MIPEP: variants seen among roughly 807,000 people sequenced by gnomAD.
The protein encoded by MIPEP is mitochondrial intermediate peptidase.
In MIPEP, 79 loss-of-function variants were observed where a neutral mutation model predicts 90.3. The ratio of observed to expected loss-of-function variants is 0.87; its 90% CI spans 0.73 to 1.05. MIPEP has a LOEUF of 1.05. Ranked by LOEUF, MIPEP falls within the 50% of genes least tolerant of loss-of-function variation. The pLI is 0.00. For synonymous variants in MIPEP, 334 were observed against 315.8 expected (o/e 1.06, Z -0.61); for missense variants, 940 against 905.6 (o/e 1.04, Z -0.49).
intron 18 of MIPEP, among the ~76,000 whole-genome samples, chr13:23,746,015 CT>C (rs34752143): frequency 3.4e-4 from 46 of 134,968 alleles, no homozygotes; most frequent in African/African-American, 4.4e-4. Flanking sequence ...ACTCAGCACA[CT>C]TTTTTTTTTT....
intron 16 of MIPEP, among the ~76,000 whole-genome samples, chr13:23,793,732 AG>A (rs1952925307): frequency 6.6e-6 from 1 of 151,868 alleles, no homozygotes; most frequent in Non-Finnish European, 1.5e-5. Context: ...GAAGGACCCC[AG>A]CCCTGGGAGA....
At chr13:23,784,445 C>G (rs1181229529) in intron 16 of MIPEP, among the ~76,000 whole-genome samples, 1 of 152,184 alleles carries the variant, frequency 6.6e-6, no homozygotes, top group East Asian at 1.9e-4. Flanking sequence ...ATGTAGAAAG[C>G]TGAAACTGGA....
chr13:23,847,422 G>A (rs1869593394), intron 10 of MIPEP, among the ~76,000 whole-genome samples: 1 of 148,056 alleles, frequency 6.8e-6, no homozygotes, highest in Non-Finnish European at 1.5e-5. Flanking sequence ...GACATGGTAA[G>A]CGCCGTCAAA....
chr13:23,747,530 A>G (rs1181087756), intron 18 of MIPEP: 1 of 511,446 alleles, frequency 2.0e-6, no homozygotes. Context: ...CGTGACAGGA[A>G]GGAGGAAGGG....
chr13:23,734,780 C>T (rs911394797), intron 18 of MIPEP, among the ~76,000 whole-genome samples: 1 of 152,208 alleles, frequency 6.6e-6, no homozygotes, highest in African/African-American at 2.4e-5. Flanking sequence ...GCCCAAACCT[C>T]TAACAGCAGT....
intron 14 of MIPEP, among the ~76,000 whole-genome samples, chr13:23,830,381 A>C (rs1868682939): frequency 6.6e-6 from 1 of 152,202 alleles, no homozygotes; most frequent in South Asian, 2.1e-4. Flanking sequence ...CTTAGGAATA[A>C]ATAATGTGGC....
At chr13:23,829,746 C>A (rs1466033427) in intron 14 of MIPEP, among the ~76,000 whole-genome samples, 1 of 151,988 alleles carries the variant, frequency 6.6e-6, no homozygotes, top group Non-Finnish European at 1.5e-5. Flanking sequence ...GTTTGAGGGG[C>A]CAGCCTGGGC....
At chr13:23,764,314 C>T (rs574874445) in intron 16 of MIPEP, among the ~76,000 whole-genome samples, 12 of 152,288 alleles carry the variant, frequency 7.9e-5, no homozygotes, top group African/African-American at 2.9e-4. Flanking sequence ...TCAGGAAACC[C>T]ATGGATATGG....
intron 16 of MIPEP, among the ~76,000 whole-genome samples, chr13:23,785,186 A>C (rs1244377189): frequency 2.0e-5 from 3 of 152,206 alleles, no homozygotes; most frequent in African/African-American, 7.2e-5. Flanking sequence ...AGGCACTTGC[A>C]CATGTATGTT....
intron 9 of MIPEP, among the ~76,000 whole-genome samples, chr13:23,861,183 ATGAGGAGAT>A (rs1384383862): frequency 6.6e-6 from 1 of 152,186 alleles, no homozygotes; most frequent in African/African-American, 2.4e-5. Flanking sequence ...CAGGGACTTC[ATGAGGAGAT>A]TGGGCATTTC....
intron 10 of MIPEP, among the ~76,000 whole-genome samples, chr13:23,853,756 C>G (rs1016385931): frequency 6.6e-6 from 1 of 151,856 alleles, no homozygotes; most frequent in African/African-American, 2.4e-5. Context: ...TTAGTAGAGA[C>G]AGGGTTTCAC....
Position 23,747,436 on chromosome 13 carries a change from CCTG to C in MIPEP, c.2044+9106_2044+9108del, listed in dbSNP as rs544948688. The C allele has an allele frequency of 4.7e-3, 2,003 of 430,214 alleles. 10 individuals carry two copies. The highest frequency in any genetic ancestry group is 6.2e-3 in the Non-Finnish European group (1,332 of 215,550). 26.6% of individuals were successfully genotyped at this position (430,214 alleles called of 1,614,324 possible). A position where few individuals can be genotyped will look rare whatever the true frequency, so the allele number is the denominator to read the frequency against. On this transcript the variant is annotated intron_variant, in intron 18 of 18. Transcript: ENST00000382172. ...CTAGTGGTGTCCCCTACTTATTATG[CCTG>C]CTATCTAGCTGCTTAACAGTCAGTA...
chr13:23,874,939 C>T (rs1381027101), intron 4 of MIPEP, 30 bp from the exon 5 acceptor site: 1 of 1,553,582 alleles, frequency 6.4e-7, no homozygotes, highest in Non-Finnish European at 8.6e-7. Context: ...CAGGTTATAA[C>T]AGGTAATAAA....
In MIPEP at chr13:23,836,117, T is replaced by C. The variant is rs182747970; in HGVS notation, c.1653+123A>G. 392 of 560,594 alleles carry C rather than the reference T, an allele frequency of 7.0e-4. 2 individuals carry two copies. The highest frequency in any genetic ancestry group is 1.6e-4 in the Non-Finnish European group (51 of 321,964). 34.7% of individuals were successfully genotyped at this position (560,594 alleles called of 1,614,324 possible). A position where few individuals can be genotyped will look rare whatever the true frequency, so the allele number is the denominator to read the frequency against. ...AGGGAATCAGGAAAAAAAGAAGCAA[T>C]AAAAGGTTTGTTACTAACAGAGGGT... On this transcript the variant is annotated intron_variant, in intron 14 of 18. Coordinates refer to ENST00000382172, the MANE Select transcript of MIPEP (RefSeq NM_005932.4).
At chr13:23,845,001 A>C (rs996200426) in intron 10 of MIPEP, among the ~76,000 whole-genome samples, 2 of 152,154 alleles carry the variant, frequency 1.3e-5, no homozygotes, top group Admixed American at 6.5e-5. Flanking sequence ...GCCCACCCCC[A>C]GAGGTAAATA....
intron 16 of MIPEP, among the ~76,000 whole-genome samples, chr13:23,774,513 A>G (rs1952690342): frequency 6.6e-6 from 1 of 152,232 alleles, no homozygotes; most frequent in African/African-American, 2.4e-5. Context: ...GCCATCTTTA[A>G]CAATAGTAAG....
At chr13:23,798,066 T>C (rs1195417662) in intron 16 of MIPEP, among the ~76,000 whole-genome samples, 2 of 152,248 alleles carry the variant, frequency 1.3e-5, no homozygotes, top group African/African-American at 4.8e-5. Context: ...TGGTAGCACG[T>C]AGTAGGCACT....
At chr13:23,793,906 A>G (rs918599093) in intron 16 of MIPEP, among the ~76,000 whole-genome samples, 1 of 152,116 alleles carries the variant, frequency 6.6e-6, no homozygotes, top group Admixed American at 6.5e-5. Flanking sequence ...CAGACCACGC[A>G]GGAACTTGCA....
intron 8 of MIPEP, among the ~76,000 whole-genome samples, chr13:23,862,615 G>T (rs140992111): frequency 1.1e-4 from 16 of 152,214 alleles, no homozygotes; most frequent in Non-Finnish European, 2.2e-4. Context: ...CTAAAGCTTG[G>T]AAAAACTAGC....
Sources: gnomAD v4.1 joint callset for allele counts (sites outside exome capture counted in the v4.1 genomes callset) on GRCh38, gnomAD v4.1.1 for gene constraint, MANE v1.5 for transcripts, NCBI Gene and HGNC (gene_info 2026-07-23, HGNC 2026-07-21) for gene names.